Variants in PHKA2 observed in about 807,000 individuals in gnomAD.
PHKA2 encodes the protein phosphorylase kinase regulatory subunit alpha 2.
PHKA2 carries 31 observed loss-of-function variants against 102.0 expected under a neutral mutation model. The ratio of observed to expected loss-of-function variants is 0.30; its 90% confidence interval spans 0.23 to 0.41. PHKA2 has a LOEUF of 0.41. PHKA2 is among the 10% of genes least tolerant of loss of function. PHKA2 has a pLI of 1.00. For missense variants in PHKA2, 858 were observed against 1,023.1 expected, an observed-to-expected ratio of 0.84 and a Z score of 2.20; for synonymous variants, 455 against 416.2, an observed-to-expected ratio of 1.09 and a Z score of -1.13.
At chrX:18,933,735 A>G (rs1007913169) in intron 11 of PHKA2, among the ~76,000 whole-genome samples, 1 of 112,048 alleles carries the variant, frequency 8.9e-6, no homozygotes, top group African/African-American at 3.2e-5. Flanking sequence ...GTCATCTGGA[A>G]GGAGCCAACA....
intron 26 of PHKA2, 34 bp from the exon 27 acceptor site, chrX:18,901,637 A>G: frequency 1.0e-6 from 1 of 961,184 alleles, no homozygotes; most frequent in Non-Finnish European, 1.5e-6. Context: ...GGTTCTCAGG[A>G]ACTCTACAGC....
chrX:18,962,242 A>G (rs1242624796), intron 1 of PHKA2, among the ~76,000 whole-genome samples: 1 of 111,485 alleles, frequency 9.0e-6, no homozygotes, highest in Non-Finnish European at 1.9e-5. Flanking sequence ...TGAAATAGTA[A>G]CATACACTGC....
intron 1 of PHKA2, among the ~76,000 whole-genome samples, chrX:18,976,935 T>C (rs1362441526): frequency 8.9e-6 from 1 of 112,237 alleles, no homozygotes; most frequent in Non-Finnish European, 1.9e-5. Flanking sequence ...CTTATTTCCT[T>C]TCTTCTATTT....
At chrX:18,913,822 GC>G (rs1317660325) in intron 19 of PHKA2, among the ~76,000 whole-genome samples, 1 of 111,330 alleles carries the variant, frequency 9.0e-6, no homozygotes, top group Non-Finnish European at 1.9e-5. Context: ...CCTATGCAGG[GC>G]CAGGATCATC....
intron 1 of PHKA2, among the ~76,000 whole-genome samples, chrX:18,967,676 TAA>T (rs199696104): frequency 3.4e-5 from 3 of 89,022 alleles, no homozygotes; most frequent in Admixed American, 1.2e-4. Flanking sequence ...TAGCCTTATT[TAA>T]AAAAAAAAAA....
At chrX:18,908,449 C>T (rs982550639) in intron 21 of PHKA2, among the ~76,000 whole-genome samples, 3 of 112,528 alleles carry the variant, frequency 2.7e-5, no homozygotes, top group African/African-American at 9.7e-5. Context: ...CTTACTGCTA[C>T]GGCTTGAATG....
chrX:18,929,297 C>G lies in PHKA2; in HGVS notation c.1255G>C (p.Ala419Pro). 8.7e-7 allele frequency: 1 copy of G among 1,152,746 alleles called. No individual in the cohort carries two copies. Among genetic ancestry groups the G allele is most frequent in the South Asian group, 1.9e-5 (1 of 52,781 alleles). The allele number at this position is 1,152,746 out of a possible 1,213,427, so 95.0% of individuals were successfully genotyped here. A position where few individuals can be genotyped will look rare whatever the true frequency, so the allele number is the denominator to read the frequency against. Residue 419 changes from alanine (A) to proline (P), a missense_variant, in exon 13 of 33, where the codon GCC (alanine) becomes CCC (proline). Physicochemically the swap from Ala to Pro is conservative, Grantham distance 27. This residue lies in a region of PHKA2 where 671 missense variants were observed against 745.2 expected (regional missense o/e 0.90). Transcript: ENST00000379942. The part of the protein sequence containing the change: ...LSSLLAEGFL[A>P]AGEIDPLNRR... The stretch of plus-strand genomic sequence containing the variant: ...TTTAAGGGATCGATTTCACCAGCGG[C>G]AAGGAATCCCTATGAAAAGAGGAGC...
chrX:18,962,057 T>G (rs1411332125), intron 1 of PHKA2, among the ~76,000 whole-genome samples: 1 of 111,814 alleles, frequency 8.9e-6, no homozygotes, highest in Non-Finnish European at 1.9e-5. Context: ...AAACACAGAT[T>G]CAACATTATA....
intron 19 of PHKA2, among the ~76,000 whole-genome samples, chrX:18,917,668 C>T (rs1008043382): frequency 9.0e-6 from 1 of 111,520 alleles, no homozygotes; most frequent in East Asian, 2.8e-4. Context: ...TTTTACCCAC[C>T]GTGCGCTGTT....
chrX:18,958,603 CCTGA>C (rs2048818880), intron 1 of PHKA2, among the ~76,000 whole-genome samples: 1 of 108,790 alleles, frequency 9.2e-6, no homozygotes, highest in Admixed American at 9.9e-5. Flanking sequence ...TTTTTATTTC[CCTGA>C]CTACCAGTGA....
chrX:18,931,522 C>T (rs969349159), intron 12 of PHKA2, 119 bp downstream of exon 12: 21 of 583,940 alleles, frequency 3.6e-5, no homozygotes, highest in East Asian at 1.6e-4. Context: ...TGACCTTAAA[C>T]GAATGAAGAT....
chrX:18,900,778 A>G, intron 27 of PHKA2, 79 bp from the exon 28 acceptor site: 1 of 915,762 alleles, frequency 1.1e-6, no homozygotes, highest in Non-Finnish European at 1.6e-6. Flanking sequence ...CCTCTCTCTT[A>G]ATCCAGGGCC....
intron 1 of PHKA2, among the ~76,000 whole-genome samples, chrX:18,955,802 A>C (rs2048765122): frequency 8.9e-6 from 1 of 112,220 alleles, no homozygotes; most frequent in Non-Finnish European, 1.9e-5. Context: ...AAGGAATTAA[A>C]TATTTGACTT....
chrX:18,946,480 C>T (rs2048580974), intron 5 of PHKA2, among the ~76,000 whole-genome samples: 1 of 111,394 alleles, frequency 9.0e-6, no homozygotes, highest in Admixed American at 9.5e-5. Context: ...ATCACATTCA[C>T]ATCTCTCTCT....
intron 17 of PHKA2, among the ~76,000 whole-genome samples, chrX:18,920,423 T>G (rs1237716968): frequency 8.9e-6 from 1 of 112,247 alleles, no homozygotes; most frequent in Non-Finnish European, 1.9e-5. Flanking sequence ...GCCAAATGAA[T>G]CACACTGACT....
chrX:18,923,232 T>C (rs943192951), intron 17 of PHKA2, among the ~76,000 whole-genome samples: 1 of 109,885 alleles, frequency 9.1e-6, no homozygotes, highest in Non-Finnish European at 1.9e-5. Flanking sequence ...GTATTTTCAA[T>C]AGAGACAGGG....
rs1365734413 is a variant in PHKA2 at position 18,892,378 on chromosome X, A to G, written c.*1107T>C. 2.7e-5 allele frequency: 3 copies of G among 112,659 alleles called. No homozygotes were observed. Among genetic ancestry groups the G allele is most frequent in the East Asian group, 2.8e-4 (1 of 3,599 alleles). 9.3% of individuals were successfully genotyped at this position (112,659 alleles called of 1,213,427 possible). On this transcript the variant is annotated 3_prime_UTR_variant, in exon 33 of 33. Transcript: ENST00000379942. ...TGTTTCCTTCCCCCAAGGTAAGACA[A>G]TGCCCGGAGAGAAACTCCATTGCTA...
chrX:18,911,162 C>T (rs1407881687), intron 19 of PHKA2, among the ~76,000 whole-genome samples: 2 of 108,739 alleles, frequency 1.8e-5, no homozygotes, highest in African/African-American at 3.3e-5. Context: ...CGTGCCACCA[C>T]GCCCAGCTAA....
rs1170437447 is a variant in PHKA2 at position 18,952,194 on chromosome X, A to AG, written c.285+299_285+300insC. 3.9e-5 allele frequency among the ~76,000 whole-genome samples: 4 copies of AG among 103,247 alleles called. No homozygotes were observed. The East Asian group carries it at 1.2e-3, about 31-fold the overall frequency. The allele number at this position is 103,247 out of a possible 115,157, so 89.7% of individuals were successfully genotyped here. On this transcript the variant is annotated intron_variant, in intron 3 of 32. Coordinates refer to ENST00000379942, the MANE Select transcript of PHKA2 (RefSeq NM_000292.3). ...TGAGATATTGTATCTACAAAAAAAA[A>AG]AAAAAAAAAAAAAAGGCCAGGTGAA...
Sources: gnomAD v4.1 joint callset for allele counts (sites outside exome capture counted in the v4.1 genomes callset) on GRCh38, gnomAD v4.1.1 for gene constraint, gnomAD v4.1.1 regional missense constraint, MANE v1.5 for transcripts, NCBI Gene and HGNC (gene_info 2026-07-23, HGNC 2026-07-21) for gene names.